PRSS12: variants seen among roughly 807,000 people sequenced by gnomAD.
PRSS12 encodes the protein neurotrypsin.
A neutral mutation model predicts 104.4 loss-of-function variants in PRSS12; 85 were observed. That is an observed-to-expected ratio of 0.81 (90% CI 0.68 to 0.98). The LOEUF is 0.98. Ranked by LOEUF, PRSS12 falls within the 50% of genes least tolerant of loss-of-function variation. PRSS12 has a pLI of 0.00. For synonymous variants in PRSS12, 454 were observed against 425.2 expected (o/e 1.07, Z -0.83); for missense variants, 1,141 against 1,139.2 (o/e 1.00, Z -0.02).
intron 1 of PRSS12, among the ~76,000 whole-genome samples, chr4:118,338,999 C>G (rs1315100729): frequency 1.3e-5 from 2 of 152,180 alleles, no homozygotes; most frequent in African/African-American, 4.8e-5. Flanking sequence ...AACTCACCTC[C>G]TCTAATATAC....
intron 7 of PRSS12, among the ~76,000 whole-genome samples, chr4:118,311,554 T>C (rs1578916632): frequency 6.6e-6 from 1 of 152,314 alleles, no homozygotes; most frequent in East Asian, 1.9e-4. Context: ...GTGGAAGTAA[T>C]GATCTATGAA....
chr4:118,315,814 G>C (rs1743891646), intron 6 of PRSS12, among the ~76,000 whole-genome samples: 1 of 152,202 alleles, frequency 6.6e-6, no homozygotes, highest in Non-Finnish European at 1.5e-5. Flanking sequence ...TTTGACACTA[G>C]ACTTCTCTGC....
chr4:118,285,791 T>C (rs1743000361), intron 11 of PRSS12, among the ~76,000 whole-genome samples: 1 of 152,212 alleles, frequency 6.6e-6, no homozygotes, highest in Non-Finnish European at 1.5e-5. Flanking sequence ...TAAAGTACTT[T>C]GACCTGTTTG....
At chr4:118,347,763 A>G (rs1288683474) in intron 1 of PRSS12, among the ~76,000 whole-genome samples, 3 of 152,160 alleles carry the variant, frequency 2.0e-5, no homozygotes, top group African/African-American at 7.2e-5. Context: ...ACTATAGCTC[A>G]CTGCAGCCTC....
rs1671147684 is a variant in PRSS12 at position 118,352,526 on chromosome 4, G to A, written c.195C>T (p.Phe65=). ...RTRPPPPLPR[F]PRPPRALPAQ... is the part of the protein sequence containing the mutation. ...CAGGGAGCGCCCGCGGGGGGCGCGGGAAGCGCGGGAGAGGCGGCGGCGGAC... is the reference window on the plus strand; with the variant it reads ...CAGGGAGCGCCCGCGGGGGGCGCGGAAAGCGCGGGAGAGGCGGCGGCGGAC... The change falls in exon 1 of 13, where the codon TTC becomes TTT. Residue 65 remains phenylalanine, a synonymous_variant. Transcript: ENST00000296498. 1.2e-5 allele frequency: 18 copies of A among 1,474,084 alleles called. No individual in the cohort carries two copies. The highest frequency in any genetic ancestry group is 1.6e-5 in the Non-Finnish European group (18 of 1,108,386). 91.3% of individuals were successfully genotyped at this position (1,474,084 alleles called of 1,614,324 possible). A position where few individuals can be genotyped will look rare whatever the true frequency, so the allele number is the denominator to read the frequency against.
At chr4:118,325,988 T>A (rs1196000103) in intron 4 of PRSS12, among the ~76,000 whole-genome samples, 2 of 152,236 alleles carry the variant, frequency 1.3e-5, no homozygotes, top group Non-Finnish European at 2.9e-5. Context: ...TAAATTTAGC[T>A]AATCAAATTG....
At position 118,326,514 on chromosome 4, in the gene PRSS12, T is replaced by C. The variant is rs112661703; in HGVS notation, c.971+5202A>G. ...CTGACTACAGAGCAGACCGAAACACTGAGCATTCTTGCAGCCTCCTGGAAC... is the reference window on the plus strand; with the variant it reads ...CTGACTACAGAGCAGACCGAAACACCGAGCATTCTTGCAGCCTCCTGGAAC... On this transcript the variant is annotated intron_variant, in intron 4 of 12. Transcript: ENST00000296498. 1.4e-3 allele frequency among the ~76,000 whole-genome samples: 218 copies of C among 152,330 alleles called. 2 individuals are homozygous for C. Among genetic ancestry groups the C allele is most frequent in the African/African-American group, 4.6e-3 (193 of 41,568 alleles).
chr4:118,301,413 T>C (rs1560769189), intron 8 of PRSS12, among the ~76,000 whole-genome samples: 2 of 152,198 alleles, frequency 1.3e-5, no homozygotes. Flanking sequence ...AAACCAAGGT[T>C]GAAAGCCACT....
At chr4:118,327,111 ATGT>A (rs1296605350) in intron 4 of PRSS12, among the ~76,000 whole-genome samples, 1 of 152,192 alleles carries the variant, frequency 6.6e-6, no homozygotes, top group Admixed American at 6.5e-5. Flanking sequence ...GGTTTATACA[ATGT>A]TTTTTAAAAT....
At position 118,318,523 on chromosome 4, in the gene PRSS12, A is replaced by C. The variant is rs1377259544; in HGVS notation, c.1005T>G (p.Phe335Leu). ...GIAKAWHQAY[F>L]GEGSGPVMLD... ...ACATAACTGGGCCAGACCCTTCCCC[A>C]AAATATGCCTGATGCCATGCTTTGG... The change falls in exon 5 of 13, where the codon TTT (phenylalanine) becomes TTG (leucine). Residue 335 changes from phenylalanine to leucine, a missense_variant. Coordinates refer to ENST00000296498, the MANE Select transcript of PRSS12 (RefSeq NM_003619.4). 5.6e-6 allele frequency: 9 copies of C among 1,614,056 alleles called. No individual in the cohort carries two copies. The highest frequency in any genetic ancestry group is 5.9e-6 in the Non-Finnish European group (7 of 1,180,038).
At chr4:118,313,149 G>A in intron 7 of PRSS12, 52 bp downstream of exon 7, 2 of 1,595,246 alleles carry the variant, frequency 1.3e-6, no homozygotes, top group Non-Finnish European at 1.7e-6. Context: ...AGTGGTTAGA[G>A]GTGCAATGGC....
chr4:118,296,777 C>CA (rs1243324223), intron 9 of PRSS12, among the ~76,000 whole-genome samples: 2 of 151,956 alleles, frequency 1.3e-5, no homozygotes, highest in African/African-American at 2.4e-5. Context: ...CAATGTGTAC[C>CA]AAGATGATTA....
chr4:118,296,273 T>C (rs1743252583), intron 9 of PRSS12, among the ~76,000 whole-genome samples: 1 of 152,140 alleles, frequency 6.6e-6, no homozygotes, highest in African/African-American at 2.4e-5. Flanking sequence ...CTAAGTCACA[T>C]AAAAAAATGT....
rs761806210 is a variant in PRSS12, at chr4:118,282,835, G to A, written c.2316C>T (p.Asp772=). The A allele has an allele frequency of 6.2e-7, 1 of 1,614,070 alleles. No individual in the cohort carries two copies. The highest frequency in any genetic ancestry group is 2.2e-5 in the East Asian group (1 of 44,882). The change falls in exon 12 of 13, where the codon GAC becomes GAT. Residue 772 remains aspartate (D), a synonymous_variant. Transcript: ENST00000296498. The part of the protein sequence containing the change: ...ASNCYITGWG[D]TGRAYSRTLQ... ...CTTTTTTTGATTATGCCTTACCTGT[G>A]TCACCCCATCCTGTTATGTAACAGT...
chr4:118,342,064 C>T (rs927624512), intron 1 of PRSS12, among the ~76,000 whole-genome samples: 2 of 152,060 alleles, frequency 1.3e-5, no homozygotes, highest in South Asian at 2.1e-4. Flanking sequence ...CTATAGTTGA[C>T]GCAAATCCTC....
rs771669453 is a variant in PRSS12 at position 118,294,914 on chromosome 4, GTTGT to G, written c.2039+21_2039+24del. On this transcript the variant is annotated intron_variant, in intron 11 of 12. Transcript: ENST00000296498. The stretch of plus-strand genomic sequence containing the variant: ...AACTGATGAATAGAAGCTACACTAG[GTTGT>G]TTGGGAAGGTGGACACATACCTCTT... 68 of 1,613,638 alleles carry G rather than the reference GTTGT, an allele frequency of 4.2e-5. 1 individual carries two copies. The South Asian group carries it at 7.1e-4, about 17-fold the overall frequency.
At chr4:118,337,119 T>G (rs541089106) in intron 2 of PRSS12, among the ~76,000 whole-genome samples, 2 of 152,316 alleles carry the variant, frequency 1.3e-5, no homozygotes, top group Middle Eastern at 3.4e-3. Flanking sequence ...TATTCAATAC[T>G]CATTCCTCAG....
At chr4:118,347,519 T>A (rs1007873418) in intron 1 of PRSS12, among the ~76,000 whole-genome samples, 9 of 152,198 alleles carry the variant, frequency 5.9e-5, no homozygotes, top group Non-Finnish European at 1.2e-4. Flanking sequence ...TTATTTAATG[T>A]TTTACCTCTC....
At chr4:118,331,003 AAT>A (rs1723903742) in intron 4 of PRSS12, among the ~76,000 whole-genome samples, 1 of 152,206 alleles carries the variant, frequency 6.6e-6, no homozygotes, top group Non-Finnish European at 1.5e-5. Flanking sequence ...AATATTTTTA[AAT>A]TCTGTAGTAA....
Sources: gnomAD v4.1 joint callset for allele counts (sites outside exome capture counted in the v4.1 genomes callset) on GRCh38, gnomAD v4.1.1 for gene constraint, MANE v1.5 for transcripts, NCBI Gene and HGNC (gene_info 2026-07-23, HGNC 2026-07-21) for gene names.